Variants in ANKRD45 observed in about 807,000 individuals in gnomAD.
The protein encoded by ANKRD45 is ankyrin repeat domain 45.
Under a neutral mutation model 28.1 loss-of-function variants are expected in ANKRD45, and 21 were observed. The observed-to-expected ratio is 0.75, with a 90% CI of 0.53 to 1.08. The LOEUF (loss-of-function observed/expected upper bound fraction) is 1.08. ANKRD45 is among the 50% of genes least tolerant of loss of function. ANKRD45 has a pLI of 0.00. For missense variants in ANKRD45, 261 were observed against 308.7 expected (o/e 0.85, Z 1.16); for synonymous variants, 86 against 103.9 (o/e 0.83, Z 1.05).
At chr1:173,630,574 C>T (rs551038051) in intron 3 of ANKRD45, among the ~76,000 whole-genome samples, 9 of 150,406 alleles carry the variant, frequency 6.0e-5, no homozygotes, top group Non-Finnish European at 1.0e-4. Context: ...CAAAGCTGGG[C>T]TTGGTGGCTC....
chr1:173,669,332 G>A (rs1184845259), intron 1 of ANKRD45: 3 of 420,134 alleles, frequency 7.1e-6, no homozygotes, highest in Admixed American at 5.9e-5. Context: ...GGCAGGCGAC[G>A]CAGCCTGAAG....
the ANKRD45 span, among the ~76,000 whole-genome samples, chr1:173,698,292 A>G: frequency 6.6e-6 from 1 of 152,222 alleles, no homozygotes; most frequent in Non-Finnish European, 1.5e-5. Context: ...GATATCCAGG[A>G]CTTGAACTCA....
At chr1:173,618,418 C>A (rs556837620) in intron 5 of ANKRD45, among the ~76,000 whole-genome samples, 9 of 152,090 alleles carry the variant, frequency 5.9e-5, no homozygotes, top group Non-Finnish European at 8.8e-5. Flanking sequence ...GAGCTGAAAA[C>A]CAGAATAGCC....
the ANKRD45 span, among the ~76,000 whole-genome samples, chr1:173,682,684 TACACACACAC>T: frequency 1.5e-4 from 22 of 144,036 alleles, 1 homozygote; most frequent in Middle Eastern, 3.5e-3. Context: ...GCCTTTTAAA[TACACACACAC>T]ACACACACAC....
the ANKRD45 span, among the ~76,000 whole-genome samples, chr1:173,709,783 C>T: frequency 5.3e-5 from 8 of 152,200 alleles, no homozygotes; most frequent in South Asian, 1.7e-3. Flanking sequence ...AGGCATGTGA[C>T]ACCATGCCCA....
chr1:173,657,663 A>T (rs1292755487), intron 2 of ANKRD45: 1 of 93,120 alleles, frequency 1.1e-5, no homozygotes, highest in Non-Finnish European at 2.0e-5. Flanking sequence ...GGGTCTTATC[A>T]TGTCACCCAG....
chr1:173,683,137 A>G, the ANKRD45 span, among the ~76,000 whole-genome samples: 1 of 107,304 alleles, frequency 9.3e-6, no homozygotes, highest in East Asian at 3.9e-4. Flanking sequence ...AACAAAAAAC[A>G]GTTAGGCAAA....
chr1:173,693,725 G>A, the ANKRD45 span, among the ~76,000 whole-genome samples: 1 of 152,224 alleles, frequency 6.6e-6, no homozygotes, highest in Non-Finnish European at 1.5e-5. Context: ...AGATGTCACA[G>A]AATTCCAAAA....
At chr1:173,613,543 G>A (rs1466993690) in intron 5 of ANKRD45, among the ~76,000 whole-genome samples, 1 of 148,344 alleles carries the variant, frequency 6.7e-6, no homozygotes, top group Non-Finnish European at 1.5e-5. Context: ...GCCCCGTCCG[G>A]GAGGGAGGTG....
the ANKRD45 span, among the ~76,000 whole-genome samples, chr1:173,711,140 T>A: frequency 1.3e-5 from 2 of 152,234 alleles, no homozygotes; most frequent in Non-Finnish European, 2.9e-5. Context: ...TGAAAAACTA[T>A]AAGGTAAGCT....
intron 2 of ANKRD45, among the ~76,000 whole-genome samples, chr1:173,654,690 GT>G (rs1328345705): frequency 6.6e-6 from 1 of 152,170 alleles, no homozygotes; most frequent in African/African-American, 2.4e-5. Flanking sequence ...CCTGAAGAGT[GT>G]TTTCCAACTT....
chr1:173,701,811 TAATA>T, the ANKRD45 span, among the ~76,000 whole-genome samples: 1 of 152,176 alleles, frequency 6.6e-6, no homozygotes, highest in East Asian at 1.9e-4. Flanking sequence ...ACTTAGAGTA[TAATA>T]AATAAATAAA....
chr1:173,640,772 A>G (rs1008977572), intron 3 of ANKRD45, among the ~76,000 whole-genome samples: 2 of 152,170 alleles, frequency 1.3e-5, no homozygotes, highest in Non-Finnish European at 2.9e-5. Flanking sequence ...CAGCTGAGAC[A>G]CCAATTGTCT....
chr1:173,687,431 A>G, the ANKRD45 span, among the ~76,000 whole-genome samples: 1 of 150,370 alleles, frequency 6.7e-6, no homozygotes, highest in African/African-American at 2.4e-5. Flanking sequence ...TTACCATATA[A>G]CATCCCTTTT....
chr1:173,626,946 A>C (rs1667966112), intron 4 of ANKRD45, 119 bp downstream of exon 4: 1 of 634,276 alleles, frequency 1.6e-6, no homozygotes, highest in Admixed American at 2.8e-5. Context: ...AAGGAAAGAA[A>C]GAGGGAGGAG....
intron 2 of ANKRD45, among the ~76,000 whole-genome samples, chr1:173,655,510 C>T (rs992491385): frequency 2.6e-5 from 4 of 152,190 alleles, no homozygotes; most frequent in African/African-American, 9.7e-5. Context: ...GGGCACCCAC[C>T]TGTATGAGGT....
At chr1:173,695,408 T>C in the ANKRD45 span, among the ~76,000 whole-genome samples, 3 of 152,174 alleles carry the variant, frequency 2.0e-5, no homozygotes, top group Admixed American at 2.0e-4. Flanking sequence ...TTTATGTCCA[T>C]GTGTATTCAA....
intron 1 of ANKRD45, among the ~76,000 whole-genome samples, chr1:173,663,457 C>T (rs1669875940): frequency 1.3e-5 from 2 of 152,168 alleles, no homozygotes; most frequent in Non-Finnish European, 2.9e-5. Context: ...CCCAAAATCT[C>T]ATCTCCTTTT....
chr1:173,656,828 G>A lies in ANKRD45; in HGVS notation c.328+2263C>T, dbSNP rs181195370. 2.0e-3 allele frequency among the ~76,000 whole-genome samples: 310 copies of A among 152,034 alleles called. 1 individual carries two copies. Among genetic ancestry groups the A allele is most frequent in the Middle Eastern group, 3.4e-3 (1 of 294 alleles). On this transcript the variant is annotated intron_variant, in intron 2 of 5. Coordinates refer to ENST00000333279, the MANE Select transcript of ANKRD45 (RefSeq NM_198493.3). Reference sequence around the variant, plus strand: ...TTCTGAAAAATCCAATGTTGGGTAAGTTCGCTTTGGGTTTTTGATAGACAG... The same window carrying A: ...TTCTGAAAAATCCAATGTTGGGTAAATTCGCTTTGGGTTTTTGATAGACAG...
Sources: allele counts gnomAD v4.1 joint callset (sites outside exome capture counted in the v4.1 genomes callset), GRCh38; gene constraint gnomAD v4.1.1; transcripts MANE v1.5; gene names NCBI Gene and HGNC (gene_info 2026-07-23, HGNC 2026-07-21).